The following MAP3K13 variants were observed in gnomAD, a reference collection of about 807,000 sequenced individuals.
MAP3K13 encodes the protein mitogen-activated protein kinase kinase kinase 13, also known as leucine zipper-bearing kinase.
Under a neutral mutation model 104.0 loss-of-function variants are expected in MAP3K13, and 52 were observed. That is an observed-to-expected ratio of 0.50 (90% CI 0.40 to 0.63). The LOEUF is 0.63. Ranked by LOEUF, MAP3K13 falls within the 20% of genes least tolerant of loss-of-function variation. The pLI is 0.00. For missense variants in MAP3K13, 914 were observed against 1,218.5 expected (o/e 0.75, Z 3.72); for synonymous variants, 394 against 442.2 (o/e 0.89, Z 1.37).
At chr3:185,369,535 A>G (rs1419323491) in intron 1 of MAP3K13, among the ~76,000 whole-genome samples, 1 of 152,232 alleles carries the variant, frequency 6.6e-6, no homozygotes, top group Non-Finnish European at 1.5e-5. Flanking sequence ...ATCCTCCTAC[A>G]TAAGTGTGTG....
intron 10 of MAP3K13, among the ~76,000 whole-genome samples, chr3:185,468,226 T>C (rs1717572739): frequency 6.6e-6 from 1 of 152,174 alleles, no homozygotes; most frequent in Admixed American, 6.5e-5. Context: ...AGCAGGGCCT[T>C]TGATAATTAC....
chr3:185,343,932 G>A (rs1307479509), intron 2 of MAP3K13, among the ~76,000 whole-genome samples: 1 of 152,146 alleles, frequency 6.6e-6, no homozygotes, highest in African/African-American at 2.4e-5. Flanking sequence ...GCTATTTTTA[G>A]GAGCCTAAAG....
Position 185,423,433 on chromosome 3 carries a change from G to A in MAP3K13, c.-85-5064G>A, listed in dbSNP as rs569766948. On this transcript the variant is annotated intron_variant, in intron 1 of 13. Transcript: ENST00000265026. The surrounding 1 kb of genome is among the most constrained non-coding windows in gnomAD (Gnocchi z 4.1). ...GATGAGGCAGGGCAAGGTCAGAGAG[G>A]CCAAAGGCAGGAGACAGCTCAAGGT... Among the ~76,000 whole-genome samples, 6 of 152,316 alleles carry A rather than the reference G, an allele frequency of 3.9e-5. No homozygotes were observed. The highest frequency in any genetic ancestry group is 8.8e-5 in the Non-Finnish European group (6 of 68,028).
chr3:185,476,944 C>A, intron 11 of MAP3K13: 1 of 327,716 alleles, frequency 3.1e-6, no homozygotes, highest in Non-Finnish European at 6.0e-6. Context: ...TTTCAAAGAT[C>A]AATTCTATAA....
At chr3:185,385,938 G>A (rs1311603624) in intron 1 of MAP3K13, among the ~76,000 whole-genome samples, 1 of 152,024 alleles carries the variant, frequency 6.6e-6, no homozygotes, top group Non-Finnish European at 1.5e-5. Flanking sequence ...GGGAGGCAGA[G>A]GTTGCAGTGA....
At position 185,437,601 on chromosome 3, in the gene MAP3K13, G is replaced by A; in HGVS notation, c.630G>A (p.Lys210=). ...AGACGGATATCAAGCATTTGAGGAA[G>A]TTGAAGCACCCTAACATCATCGCAT... is the stretch of plus-strand genomic sequence containing the variant. ...QNETDIKHLR[K]LKHPNIIAFK... is the part of the protein sequence containing the mutation. The change falls in exon 3 of 14, where the codon AAG becomes AAA. Residue 210 remains lysine (K), a synonymous_variant. Coordinates refer to ENST00000265026, the MANE Select transcript of MAP3K13 (RefSeq NM_004721.5). The A allele has an allele frequency of 6.2e-7, 1 of 1,612,556 alleles. No homozygotes were observed. Among genetic ancestry groups the A allele is most frequent in the Non-Finnish European group, 8.5e-7 (1 of 1,179,556 alleles).
At chr3:185,463,734 C>G in intron 8 of MAP3K13, 75 bp downstream of exon 8, 2 of 812,216 alleles carry the variant, frequency 2.5e-6, no homozygotes, top group Non-Finnish European at 4.2e-6. Flanking sequence ...TTATCATAAC[C>G]ACCATTTCAC....
At position 185,418,760 on chromosome 3, in the gene MAP3K13, T is replaced by C. The variant is rs114205733; in HGVS notation, c.-85-9737T>C. The C allele has an allele frequency of 2.7e-4, 435 of 1,607,532 alleles. 1 individual carries two copies. In the African/African-American group the frequency reaches 4.8e-3, roughly 18 times the overall value. ...CCCTTTTCGGAGTACACCGATATCA[T>C]TGGGCGAGCACACGCCATGGCGGAG... On this transcript the variant is annotated intron_variant, in intron 1 of 13. Coordinates refer to ENST00000265026, the MANE Select transcript of MAP3K13 (RefSeq NM_004721.5). The surrounding 1 kb of genome is among the most constrained non-coding windows in gnomAD (Gnocchi z 4.5).
rs551551839 is a variant in MAP3K13 at position 185,328,442 on chromosome 3, G to C, written c.-86+42799G>C. Among the ~76,000 whole-genome samples the C allele has an allele frequency of 3.5e-4, 53 of 152,286 alleles. 2 individuals carry two copies. In the Middle Eastern group the frequency reaches 0.024, roughly 68 times the overall value. ...TTTTTGTATTTTTAATAGAGACAGAGTTTCACCATGTTGGCCAGGCTTGTC... is the reference window on the plus strand; with the variant it reads ...TTTTTGTATTTTTAATAGAGACAGACTTTCACCATGTTGGCCAGGCTTGTC... On this transcript the variant is annotated intron_variant, in intron 2 of 14. Transcript: ENST00000424227.
intron 11 of MAP3K13, among the ~76,000 whole-genome samples, chr3:185,475,256 G>A (rs910367574): frequency 3.9e-5 from 6 of 152,240 alleles, no homozygotes; most frequent in African/African-American, 9.6e-5. Context: ...GGCCTGGAAC[G>A]TAGCACTTTT....
At chr3:185,350,479 G>A (rs558147641) in intron 2 of MAP3K13, among the ~76,000 whole-genome samples, 5 of 152,110 alleles carry the variant, frequency 3.3e-5, no homozygotes, top group Non-Finnish European at 5.9e-5. Flanking sequence ...GAGCCACTGC[G>A]CCTGGCTTCC....
At position 185,423,139 on chromosome 3, in the gene MAP3K13, G is replaced by C. The variant is rs1714229084; in HGVS notation, c.-85-5358G>C. Among the ~76,000 whole-genome samples the C allele has an allele frequency of 6.6e-6, 1 of 152,184 alleles. No individual in the cohort carries two copies. Among genetic ancestry groups the C allele is most frequent in the Admixed American group, 6.5e-5 (1 of 15,276 alleles). On this transcript the variant is annotated intron_variant, in intron 1 of 13. Transcript: ENST00000265026. This position sits in a 1 kb window ranked among gnomAD's most constrained non-coding sequence, Gnocchi z 4.1. The stretch of plus-strand genomic sequence containing the variant: ...TCCCACTGATTCTACATTATAGTGA[G>C]TTGTAGAATTACTTCATTATGTATT...
In MAP3K13 at chr3:185,480,221, C is replaced by A. The variant is rs372473696; in HGVS notation, c.2502-11C>A. 9 of 1,608,378 alleles carry A rather than the reference C, an allele frequency of 5.6e-6. No individual in the cohort carries two copies. In the African/African-American group the frequency reaches 1.2e-4, roughly 22 times the overall value. On this transcript the variant is annotated splice_polypyrimidine_tract_variant and intron_variant, in intron 12 of 13. Coordinates refer to ENST00000265026, the MANE Select transcript of MAP3K13 (RefSeq NM_004721.5). Reference sequence around the variant, plus strand: ...CTCTGACTAAGTTCTCCTGGTTCTTCTTGGTTCTAGGCCCCATCGCTGTAT... The same window carrying A: ...CTCTGACTAAGTTCTCCTGGTTCTTATTGGTTCTAGGCCCCATCGCTGTAT...
In MAP3K13 at chr3:185,482,515, C is replaced by T. The variant is rs1718524313; in HGVS notation, c.*59C>T. 4.8e-6 allele frequency: 6 copies of T among 1,244,918 alleles called. No homozygotes were observed. The East Asian group carries it at 1.4e-4, about 29-fold the overall frequency. The allele number at this position is 1,244,918 out of a possible 1,614,324, so 77.1% of individuals were successfully genotyped here. On this transcript the variant is annotated 3_prime_UTR_variant, in exon 14 of 14. Transcript: ENST00000265026. The surrounding 1 kb of genome is among the most constrained non-coding windows in gnomAD (Gnocchi z 4.5). Reference sequence around the variant, plus strand: ...ATACTGGCATTTCAGATCCACCCCACCCCCAGACTCATCCCACTCTCTCCC... The same window carrying T: ...ATACTGGCATTTCAGATCCACCCCATCCCCAGACTCATCCCACTCTCTCCC...
At chr3:185,366,747 A>G (rs539321257) in intron 1 of MAP3K13, among the ~76,000 whole-genome samples, 84 of 152,114 alleles carry the variant, frequency 5.5e-4, no homozygotes, top group Non-Finnish European at 1.1e-3. Flanking sequence ...TTGGAAAAAT[A>G]TCTATTTAGA....
chr3:185,355,991 G>C (rs1723336476), intron 2 of MAP3K13, among the ~76,000 whole-genome samples: 1 of 152,140 alleles, frequency 6.6e-6, no homozygotes, highest in African/African-American at 2.4e-5. Context: ...ACCTTGCCCA[G>C]GGCTTCAGAA....
intron 13 of MAP3K13, among the ~76,000 whole-genome samples, chr3:185,481,018 C>G (rs1718418561): frequency 6.6e-6 from 1 of 152,176 alleles, no homozygotes; most frequent in Non-Finnish European, 1.5e-5. Context: ...CAAACCATAT[C>G]AGGCCTCCAA....
intron 2 of MAP3K13, among the ~76,000 whole-genome samples, chr3:185,336,216 A>G (rs1220920227): frequency 6.6e-6 from 1 of 152,172 alleles, no homozygotes; most frequent in Non-Finnish European, 1.5e-5. Context: ...AAAGAAGTCA[A>G]AATGGAATGT....
At chr3:185,463,685 T>G in intron 8 of MAP3K13, 26 bp downstream of exon 8, 3 of 1,370,326 alleles carry the variant, frequency 2.2e-6, no homozygotes, top group Non-Finnish European at 3.1e-6. Flanking sequence ...CTTCCCCACC[T>G]CCCTTCATCC....
Sources: allele counts gnomAD v4.1 joint callset (sites outside exome capture counted in the v4.1 genomes callset), GRCh38; gene constraint gnomAD v4.1.1; non-coding constraint Gnocchi (gnomAD v3.1); transcripts MANE v1.5; gene names NCBI Gene and HGNC (gene_info 2026-07-23, HGNC 2026-07-21).